The following TDRD1 variants were observed in gnomAD, a reference collection of about 807,000 sequenced individuals.
TDRD1 encodes tudor domain containing 1, also known as tudor domain-containing protein 1.
TDRD1 carries 37 observed loss-of-function variants against 140.6 expected under a neutral mutation model. The observed-to-expected ratio is 0.26, with a 90% CI of 0.20 to 0.35. The LOEUF is 0.35. TDRD1 is among the 10% of genes least tolerant of loss of function. The pLI is 1.00. For synonymous variants in TDRD1, 506 were observed against 475.7 expected, an observed-to-expected ratio of 1.06 and a Z score of -0.83; for missense variants, 1,243 against 1,393.0, an observed-to-expected ratio of 0.89 and a Z score of 1.71.
chr10:114,177,227 C>A (rs1342865921), upstream of TDRD1, among the ~76,000 whole-genome samples: 1 of 152,140 alleles, frequency 6.6e-6, no homozygotes, highest in Admixed American at 6.5e-5. Context: ...TAACTCCCTA[C>A]TCCTTAAATG....
intron 22 of TDRD1, among the ~76,000 whole-genome samples, 159 bp downstream of exon 22, chr10:114,226,375 C>G (rs2036438349): frequency 6.6e-6 from 1 of 151,646 alleles, no homozygotes; most frequent in Non-Finnish European, 1.5e-5. Flanking sequence ...ATTCTTTATT[C>G]TTTATCGAAT....
At chr10:114,196,833 CT>C (rs36124319) in intron 3 of TDRD1, among the ~76,000 whole-genome samples, 196 of 48,304 alleles carry the variant, frequency 4.1e-3, no homozygotes, top group African/African-American at 9.1e-3. Flanking sequence ...TTCTAGCAGT[CT>C]TTTTTTTTTT....
At chr10:114,193,618 T>G (rs2034146101) in intron 3 of TDRD1, among the ~76,000 whole-genome samples, 1 of 152,224 alleles carries the variant, frequency 6.6e-6, no homozygotes, top group South Asian at 2.1e-4. Context: ...TAAGATCCCT[T>G]GCAGTTTTCT....
At position 114,204,236 on chromosome 10, in the gene TDRD1, T is replaced by A; in HGVS notation, c.1125+20T>A. ...CCTTGTGTGAGTCTCTTTTACTTTC[T>A]AGATTTTTAATAGTGTCCCAAAGGA... is the stretch of plus-strand genomic sequence containing the variant. On this transcript the variant is annotated intron_variant, in intron 9 of 25. Transcript: ENST00000251864. The A allele has an allele frequency of 1.3e-6, 2 of 1,571,168 alleles. No individual in the cohort carries two copies. The highest frequency in any genetic ancestry group is 1.7e-6 in the Non-Finnish European group (2 of 1,167,108).
At position 114,217,297 on chromosome 10, in the gene TDRD1, A is replaced by G. The variant is rs115467153; in HGVS notation, c.2213-248A>G. Among the ~76,000 whole-genome samples the G allele has an allele frequency of 6.1e-3, 927 of 152,244 alleles. 13 individuals carry two copies. Among genetic ancestry groups the G allele is most frequent in the African/African-American group, 0.021 (888 of 41,538 alleles). On this transcript the variant is annotated intron_variant, in intron 16 of 25. Coordinates refer to ENST00000251864, the Ensembl canonical transcript of TDRD1. ...AAAGTTCATGCTTTAGTGTACTGAT[A>G]ATCATGCTGTAATTGTTTCTTTTTG...
chr10:114,211,517 CA>C lies in TDRD1; in HGVS notation c.1661-348del, dbSNP rs1291943695. ...TGGAGTCTGGTTGACTCATGCTTGC[CA>C]GGTGTTTTAAAACTAGTCTTGCTAT... On this transcript the variant is annotated intron_variant, in intron 13 of 25. Transcript: ENST00000251864. Among the ~76,000 whole-genome samples the C allele has an allele frequency of 2.6e-5, 4 of 152,178 alleles. 1 individual carries two copies. The highest frequency in any genetic ancestry group is 5.9e-5 in the Non-Finnish European group (4 of 68,032).
intron 3 of TDRD1, among the ~76,000 whole-genome samples, chr10:114,197,027 A>G (rs757045409): frequency 1.2e-4 from 18 of 151,316 alleles, no homozygotes; most frequent in Non-Finnish European, 2.4e-4. Context: ...TTGTATTTTT[A>G]GTAGAGATGG....
At chr10:114,216,917 TC>T (rs1393236440) in intron 16 of TDRD1, among the ~76,000 whole-genome samples, 3 of 152,250 alleles carry the variant, frequency 2.0e-5, no homozygotes, top group Non-Finnish European at 4.4e-5. Context: ...GTGGTTTAGA[TC>T]CCTTCTGCAT....
chr10:114,206,270 G>A (rs1354842636), exon 11 of TDRD1: 8 of 1,613,392 alleles, frequency 5.0e-6, no homozygotes, highest in African/African-American at 1.3e-5. Context: ...TGTGCTTATA[G>A]AAATGGGATA....
chr10:114,212,164 T>C (rs1224538786), intron 14 of TDRD1, 128 bp downstream of exon 14: 11 of 788,878 alleles, frequency 1.4e-5, no homozygotes, highest in Non-Finnish European at 1.9e-5. Flanking sequence ...AAAGTTACTA[T>C]AAATGTCATT....
chr10:114,188,917 C>T (rs1481077142), intron 2 of TDRD1, among the ~76,000 whole-genome samples: 1 of 151,038 alleles, frequency 6.6e-6, no homozygotes, highest in Non-Finnish European at 1.5e-5. Flanking sequence ...AGGTTAGGAC[C>T]TGGTAGAATT....
chr10:114,213,687 C>A, intron 15 of TDRD1, 99 bp downstream of exon 15: 6 of 1,077,226 alleles, frequency 5.6e-6, no homozygotes, highest in Non-Finnish European at 1.3e-6. Context: ...ATGTTGAATG[C>A]CTTTCATCTT....
At chr10:114,213,089 A>G (rs1035209813) in intron 14 of TDRD1, among the ~76,000 whole-genome samples, 7 of 152,114 alleles carry the variant, frequency 4.6e-5, no homozygotes, top group Non-Finnish European at 7.4e-5. Flanking sequence ...TTTTCTTGGT[A>G]GAGATGTGAG....
chr10:114,187,834 GA>G lies in TDRD1; in HGVS notation c.4del (p.Ser2ValfsTer8). 6.4e-7 allele frequency: 1 copy of G among 1,571,112 alleles called. No individual in the cohort carries two copies. The highest frequency in any genetic ancestry group is 1.2e-5 in the South Asian group (1 of 84,306). On this transcript the variant is annotated frameshift_variant, in exon 2 of 26. Transcript: ENST00000251864. LOFTEE classifies it high-confidence loss of function. Reference sequence around the variant, plus strand: ...TACATTTCTCTCCTTAGGCCTCGATGAGTGTTAAATCGCCATTTAATGTGAT... The same window carrying G: ...TACATTTCTCTCCTTAGGCCTCGATGGTGTTAAATCGCCATTTAATGTGAT...
exon 5 of TDRD1, chr10:114,201,457 G>A: frequency 6.2e-7 from 1 of 1,614,060 alleles, no homozygotes; most frequent in East Asian, 2.2e-5. Context: ...TTGCTCCACA[G>A]CATGTCAAAG....
intron 16 of TDRD1, 89 bp downstream of exon 16, chr10:114,214,203 T>C: frequency 8.5e-7 from 1 of 1,181,742 alleles, no homozygotes. Flanking sequence ...GTGATAAAAG[T>C]ACCTCTTTCC....
At position 114,202,803 on chromosome 10, in the gene TDRD1, C is replaced by T. The variant is rs752095657; in HGVS notation, c.697-269C>T. On this transcript the variant is annotated intron_variant, in intron 6 of 25. Transcript: ENST00000251864. Reference sequence around the variant, plus strand: ...AACAAGTGCAGATTTAAAATAATACCTCCACCACCACCATTTTCATTTTTT... The same window carrying T: ...AACAAGTGCAGATTTAAAATAATACTTCCACCACCACCATTTTCATTTTTT... Among the ~76,000 whole-genome samples the T allele has an allele frequency of 6.4e-4, 98 of 152,170 alleles. 1 individual carries two copies. Among genetic ancestry groups the T allele is most frequent in the Non-Finnish European group, 5.3e-4 (36 of 68,036 alleles).
Position 114,229,818 on chromosome 10 carries a change from T to TA in TDRD1, c.3539-1668_3539-1667insA, listed in dbSNP as rs201318496. 6.2e-3 allele frequency among the ~76,000 whole-genome samples: 616 copies of TA among 98,566 alleles called. 8 individuals are homozygous for TA. Among genetic ancestry groups the TA allele is most frequent in the African/African-American group, 0.026 (532 of 20,804 alleles). 64.7% of individuals were successfully genotyped at this position (98,566 alleles called of 152,430 possible). On this transcript the variant is annotated intron_variant, in intron 25 of 25. Coordinates refer to ENST00000251864, the Ensembl canonical transcript of TDRD1. ...TATCAAGTCACTATATATATATATA[T>TA]TTTTTTTTTATTTTTTATTTTTATT... is the stretch of plus-strand genomic sequence containing the variant.
chr10:114,209,333 A>T (rs931632592), intron 11 of TDRD1, among the ~76,000 whole-genome samples: 14 of 152,320 alleles, frequency 9.2e-5, no homozygotes, highest in Middle Eastern at 3.4e-3. Context: ...GCAGAAGCTG[A>T]CTGGTCCAGT....
Sources: gnomAD v4.1 joint callset for allele counts (sites outside exome capture counted in the v4.1 genomes callset) on GRCh38, gnomAD v4.1.1 for gene constraint, MANE v1.5 for transcripts, NCBI Gene and HGNC (gene_info 2026-07-23, HGNC 2026-07-21) for gene names.